Variants in PARP8 observed in about 807,000 individuals in gnomAD.
PARP8 encodes the protein poly(ADP-ribose) polymerase family member 8, also known as protein mono-ADP-ribosyltransferase PARP8.
Under a neutral mutation model 124.1 loss-of-function variants are expected in PARP8, and 51 were observed. That is an observed-to-expected ratio of 0.41 (90% CI 0.33 to 0.52). PARP8 has a LOEUF of 0.52. Among genes scored for constraint, PARP8 ranks in the 20% least tolerant of loss-of-function variants. The pLI, the probability that PARP8 is intolerant of heterozygous loss-of-function variation, is 0.21. For synonymous variants in PARP8, 391 were observed against 361.5 expected, an observed-to-expected ratio of 1.08 and a Z score of -0.93; for missense variants, 860 against 1,018.9, an observed-to-expected ratio of 0.84 and a Z score of 2.12.
intron 18 of PARP8, among the ~76,000 whole-genome samples, chr5:50,825,506 A>G (rs932883242): frequency 8.5e-5 from 13 of 152,210 alleles, no homozygotes; most frequent in African/African-American, 3.1e-4. Flanking sequence ...TTACCCCAGC[A>G]TGAATTCTAG....
chr5:50,713,310 G>A (rs1554047720), intron 2 of PARP8, among the ~76,000 whole-genome samples: 1 of 151,830 alleles, frequency 6.6e-6, no homozygotes, highest in Non-Finnish European at 1.5e-5. Context: ...GTGTGATCTT[G>A]GTTCACCACA....
intron 2 of PARP8, 25 bp downstream of exon 2, chr5:50,668,150 C>T: frequency 6.4e-7 from 1 of 1,555,500 alleles, no homozygotes; most frequent in East Asian, 2.2e-5. Flanking sequence ...AGAGTTGCTT[C>T]ATTTCCTGTT....
chr5:50,793,760 G>A (rs1742221005), intron 10 of PARP8, among the ~76,000 whole-genome samples: 1 of 151,948 alleles, frequency 6.6e-6, no homozygotes, highest in South Asian at 2.1e-4. Flanking sequence ...AAAGAAAATG[G>A]CTTTACTTCT....
chr5:50,828,280 T>G (rs375193453), intron 20 of PARP8, 32 bp from the exon 21 acceptor site: 37 of 1,592,390 alleles, frequency 2.3e-5, no homozygotes, highest in Non-Finnish European at 2.8e-5. Context: ...AATTTTCTGG[T>G]TTTGCTTTTT....
intron 2 of PARP8, among the ~76,000 whole-genome samples, chr5:50,670,698 A>C (rs919027608): frequency 1.3e-5 from 2 of 152,294 alleles, no homozygotes; most frequent in Middle Eastern, 3.4e-3. Flanking sequence ...AGGCTCAGAG[A>C]GTTTAAGACA....
chr5:50,667,293 T>C (rs1196978879), intron 1 of PARP8, 107 bp downstream of exon 1: 4 of 1,198,094 alleles, frequency 3.3e-6, no homozygotes, highest in Non-Finnish European at 4.8e-6. Context: ...GTCCCCATTC[T>C]GGGGTTCATT....
intron 15 of PARP8, among the ~76,000 whole-genome samples, chr5:50,816,970 G>C (rs1262065615): frequency 6.6e-6 from 1 of 152,056 alleles, no homozygotes; most frequent in Non-Finnish European, 1.5e-5. Context: ...GGGATATGTT[G>C]TATGAGTATG....
At chr5:50,733,071 G>A (rs1757135771) in intron 2 of PARP8, among the ~76,000 whole-genome samples, 1 of 151,968 alleles carries the variant, frequency 6.6e-6, no homozygotes, top group African/African-American at 2.4e-5. Context: ...GGAGGCCAAA[G>A]CGGGTGGATT....
At chr5:50,708,671 T>C (rs780669769) in intron 2 of PARP8, among the ~76,000 whole-genome samples, 2 of 152,094 alleles carry the variant, frequency 1.3e-5, no homozygotes, top group African/African-American at 2.4e-5. Context: ...TTCTGAAATT[T>C]CACATTGATA....
intron 3 of PARP8, among the ~76,000 whole-genome samples, chr5:50,755,743 T>C (rs1759864562): frequency 2.0e-5 from 3 of 152,220 alleles, no homozygotes; most frequent in African/African-American, 7.2e-5. Context: ...TTGATGGGGA[T>C]GGCATTCAAT....
intron 2 of PARP8, among the ~76,000 whole-genome samples, chr5:50,699,471 C>G (rs143254179): frequency 1.7e-3 from 263 of 152,252 alleles, no homozygotes; most frequent in African/African-American, 6.0e-3. Flanking sequence ...ACCTCAGTTT[C>G]CCTGTTGGCT....
intron 3 of PARP8, chr5:50,757,160 T>C (rs777045480): frequency 1.8e-5 from 8 of 455,858 alleles, no homozygotes; most frequent in South Asian, 6.2e-5. Flanking sequence ...GGTGGAGATA[T>C]TGCTTCAAGA....
chr5:50,738,102 A>G (rs1180293309), intron 2 of PARP8, among the ~76,000 whole-genome samples: 1 of 152,204 alleles, frequency 6.6e-6, no homozygotes, highest in Non-Finnish European at 1.5e-5. Context: ...TTCTCCCAAA[A>G]GACTGTATCC....
At chr5:50,742,243 A>G (rs1319502878) in intron 2 of PARP8, among the ~76,000 whole-genome samples, 1 of 152,220 alleles carries the variant, frequency 6.6e-6, no homozygotes, top group African/African-American at 2.4e-5. Flanking sequence ...AAAAACAAAT[A>G]CATTTGTTTA....
At chr5:50,838,422 T>A (rs890487968) in intron 25 of PARP8, among the ~76,000 whole-genome samples, 2 of 152,080 alleles carry the variant, frequency 1.3e-5, no homozygotes, top group African/African-American at 4.8e-5. Context: ...CTTTGTGCAA[T>A]GCAAGACTTA....
chr5:50,819,373 A>G (rs192611905), intron 15 of PARP8, among the ~76,000 whole-genome samples: 1 of 147,978 alleles, frequency 6.8e-6, no homozygotes, highest in South Asian at 2.1e-4. Flanking sequence ...GAGCATATCC[A>G]TCTGTGTCAT....
chr5:50,833,512 G>GA (rs201931532), intron 23 of PARP8: 16,999 of 266,544 alleles, frequency 0.064, 7 homozygotes, highest in South Asian at 0.1. Flanking sequence ...TCTAATATCT[G>GA]AAAAAAAAAA....
At chr5:50,754,474 GT>G in intron 3 of PARP8, among the ~76,000 whole-genome samples, 1 of 151,728 alleles carries the variant, frequency 6.6e-6, no homozygotes, top group Non-Finnish European at 1.5e-5. Flanking sequence ...GAGAATGATG[GT>G]TTCCAGCTTC....
At chr5:50,773,583 G>T (rs1360336427) in intron 7 of PARP8, among the ~76,000 whole-genome samples, 1 of 152,114 alleles carries the variant, frequency 6.6e-6, no homozygotes, top group East Asian at 1.9e-4. Flanking sequence ...AGCTTTGTAA[G>T]GTAGTTTGAT....
Sources: gnomAD v4.1 joint callset for allele counts (sites outside exome capture counted in the v4.1 genomes callset) on GRCh38, gnomAD v4.1.1 for gene constraint, MANE v1.5 for transcripts, NCBI Gene and HGNC (gene_info 2026-07-23, HGNC 2026-07-21) for gene names.